The following APBA2 variants were observed in gnomAD, a reference collection of about 807,000 sequenced individuals.
The protein encoded by APBA2 is amyloid-beta A4 precursor protein-binding family A member 2.
Under a neutral mutation model 75.0 loss-of-function variants are expected in APBA2, and 30 were observed. The observed-to-expected ratio is 0.40, with a 90% confidence interval of 0.30 to 0.54. The LOEUF is 0.54. APBA2 is among the 20% of genes least tolerant of loss of function. APBA2 has a pLI of 0.49. For synonymous variants in APBA2, 444 were observed against 409.6 expected, an observed-to-expected ratio of 1.08 and a Z score of -1.01; for missense variants, 801 against 1,016.1, an observed-to-expected ratio of 0.79 and a Z score of 2.88.
At chr15:29,117,034 C>T (rs939299731) in intron 14 of APBA2, 28 bp from the exon 15 acceptor site, 6 of 1,609,876 alleles carry the variant, frequency 3.7e-6, no homozygotes, top group Non-Finnish European at 4.2e-6. Flanking sequence ...GGGAGGGCAG[C>T]GGCTCAGCCT....
intron 13 of APBA2, among the ~76,000 whole-genome samples, chr15:29,108,925 A>G (rs1359024763): frequency 6.6e-6 from 1 of 152,074 alleles, no homozygotes; most frequent in Non-Finnish European, 1.5e-5. Context: ...AAAAACCTGT[A>G]CCAGTTCCCC....
intron 1 of APBA2, among the ~76,000 whole-genome samples, chr15:28,900,933 G>A (rs2032813106): frequency 6.6e-6 from 1 of 152,094 alleles, no homozygotes. Flanking sequence ...CCCTGCCCCT[G>A]GCTGGGGCTG....
chr15:29,099,517 C>T (rs528011981), intron 9 of APBA2, among the ~76,000 whole-genome samples: 1 of 152,342 alleles, frequency 6.6e-6, no homozygotes, highest in South Asian at 2.1e-4. Flanking sequence ...CACCCTCTGC[C>T]TGGCAGCTAC....
In APBA2 at chr15:29,118,074, T is replaced by C. The variant is rs1022435033; in HGVS notation, c.*941T>C. ...GCCCTGAGCAGTAGTGGCATGTGTGTAGATCAAGTCGGATCTAGTCCAGCT... is the reference window on the plus strand; with the variant it reads ...GCCCTGAGCAGTAGTGGCATGTGTGCAGATCAAGTCGGATCTAGTCCAGCT... On this transcript the variant is annotated 3_prime_UTR_variant, in exon 15 of 15. Coordinates refer to ENST00000683413, the MANE Select transcript of APBA2 (RefSeq NM_001353788.2). 4 of 152,648 alleles carry C rather than the reference T, an allele frequency of 2.6e-5. No homozygotes were observed. The highest frequency in any genetic ancestry group is 9.6e-5 in the African/African-American group (4 of 41,470). 9.5% of individuals were successfully genotyped at this position (152,648 alleles called of 1,614,324 possible).
At chr15:28,986,735 C>T (rs577303131) in intron 2 of APBA2, among the ~76,000 whole-genome samples, 15 of 152,220 alleles carry the variant, frequency 9.9e-5, no homozygotes, top group South Asian at 8.3e-4. Context: ...CCAGAGTGTT[C>T]GGATTACAGG....
intron 3 of APBA2, among the ~76,000 whole-genome samples, chr15:29,034,116 C>A (rs1320550358): frequency 6.6e-6 from 1 of 152,038 alleles, no homozygotes; most frequent in African/African-American, 2.4e-5. Flanking sequence ...AAAAAAGGAA[C>A]CTCACCTGAG....
At chr15:29,071,098 G>T (rs1329135720) in intron 4 of APBA2, 1 of 456,448 alleles carries the variant, frequency 2.2e-6, no homozygotes, top group African/African-American at 2.0e-5. Context: ...GGCCTGAGCG[G>T]AGTGAGTGTG....
intron 1 of APBA2, among the ~76,000 whole-genome samples, chr15:28,899,067 T>C (rs1258112479): frequency 6.6e-6 from 1 of 152,308 alleles, no homozygotes; most frequent in East Asian, 1.9e-4. Flanking sequence ...GTGGTTGCAG[T>C]TGAGAGGGAA....
chr15:28,952,220 A>T (rs775346267), intron 2 of APBA2, among the ~76,000 whole-genome samples: 1 of 152,132 alleles, frequency 6.6e-6, no homozygotes, highest in Non-Finnish European at 1.5e-5. Flanking sequence ...AACAAAAAAG[A>T]CTTGGAAGGC....
At chr15:29,103,641 G>A (rs1345833373) in intron 10 of APBA2, among the ~76,000 whole-genome samples, 1 of 152,178 alleles carries the variant, frequency 6.6e-6, no homozygotes, top group Non-Finnish European at 1.5e-5. Flanking sequence ...GAGCTTCCGC[G>A]GGGGCGGAGG....
At chr15:28,894,226 C>T (rs1022524166) in intron 1 of APBA2, among the ~76,000 whole-genome samples, 6 of 152,172 alleles carry the variant, frequency 3.9e-5, no homozygotes, top group Admixed American at 2.6e-4. Context: ...TTCTTACCCC[C>T]GAGTCCCTTT....
At position 28,985,800 on chromosome 15, in the gene APBA2, G is replaced by A. The variant is rs145019784; in HGVS notation, c.-94-9953G>A. On this transcript the variant is annotated intron_variant, in intron 2 of 14. Coordinates refer to ENST00000683413, the MANE Select transcript of APBA2 (RefSeq NM_001353788.2). ...GCTCAGCTGGTTCGTTCTATGAAAC[G>A]CACTTCTGCTTTCTGGAATCTGAAG... Among the ~76,000 whole-genome samples, 640 of 152,264 alleles carry A rather than the reference G, an allele frequency of 4.2e-3. 5 individuals are homozygous for A. The highest frequency in any genetic ancestry group is 0.015 in the African/African-American group (606 of 41,520).
At chr15:29,015,871 G>A (rs976843735) in intron 3 of APBA2, among the ~76,000 whole-genome samples, 4 of 152,172 alleles carry the variant, frequency 2.6e-5, no homozygotes, top group East Asian at 3.9e-4. Context: ...TTGCAGTGCT[G>A]GGCCTTGGTT....
In APBA2 at chr15:29,062,826, G is replaced by A. The variant is rs1263448946; in HGVS notation, c.951+7991G>A. ...CAGTCAGGAAGCCGGCATCCCACCCGGCTGCAGCAGCTTGGGGCCCGGGAA... is the reference window on the plus strand; with the variant it reads ...CAGTCAGGAAGCCGGCATCCCACCCAGCTGCAGCAGCTTGGGGCCCGGGAA... On this transcript the variant is annotated intron_variant, in intron 4 of 14. Transcript: ENST00000683413. Among the ~76,000 whole-genome samples the A allele has an allele frequency of 5.3e-5, 8 of 152,172 alleles. No homozygotes were observed. In the East Asian group the frequency reaches 7.7e-4, roughly 15 times the overall value.
intron 3 of APBA2, among the ~76,000 whole-genome samples, chr15:29,050,879 C>T (rs140271538): frequency 1.4e-3 from 217 of 152,268 alleles, no homozygotes; most frequent in African/African-American, 5.0e-3. Context: ...CAGAGCCTGG[C>T]GAGAAACAGG....
chr15:29,006,305 G>A (rs2039113363), intron 3 of APBA2, among the ~76,000 whole-genome samples: 1 of 152,170 alleles, frequency 6.6e-6, no homozygotes, highest in Non-Finnish European at 1.5e-5. Flanking sequence ...CACTAACAGT[G>A]AGCAATCTGG....
intron 12 of APBA2, 78 bp downstream of exon 12, chr15:29,106,897 C>T: frequency 7.3e-7 from 1 of 1,368,378 alleles, no homozygotes. Flanking sequence ...GCAATCCCCA[C>T]TTCACTGCAA....
intron 3 of APBA2, among the ~76,000 whole-genome samples, chr15:29,050,093 TGAACTCTAAGAGTG>T (rs2041523286): frequency 1.3e-5 from 2 of 152,224 alleles, no homozygotes; most frequent in South Asian, 4.1e-4. Context: ...CTGGAATTTC[TGAACTCTAAGAGTG>T]GAGAGGAAAT....
At chr15:28,905,807 A>G (rs2033104185) in intron 1 of APBA2, among the ~76,000 whole-genome samples, 1 of 152,314 alleles carries the variant, frequency 6.6e-6, no homozygotes, top group East Asian at 1.9e-4. Flanking sequence ...GGCTCCATCA[A>G]TGGGGGCTGG....
Sources: allele counts gnomAD v4.1 joint callset (sites outside exome capture counted in the v4.1 genomes callset), GRCh38; gene constraint gnomAD v4.1.1; transcripts MANE v1.5; gene names NCBI Gene and HGNC (gene_info 2026-07-23, HGNC 2026-07-21).